Variants in SASH1 observed in about 807,000 individuals in gnomAD.
SASH1 encodes SAM and SH3 domain containing 1.
A neutral mutation model predicts 125.2 loss-of-function variants in SASH1; 44 were observed. That is an observed-to-expected ratio of 0.35 (90% confidence interval 0.28 to 0.45). The LOEUF (loss-of-function observed/expected upper bound fraction) is 0.45, where lower values mean the gene tolerates loss of function less well. Among genes scored for constraint, SASH1 ranks in the 20% least tolerant of loss-of-function variants. SASH1 has a pLI of 1.00. For synonymous variants in SASH1, 639 were observed against 649.1 expected (o/e 0.98, Z 0.24); for missense variants, 1,426 against 1,614.5 (o/e 0.88, Z 2.00).
chr6:148,233,061 C>G, the SASH1 span, among the ~76,000 whole-genome samples: 15 of 151,872 alleles, frequency 9.9e-5, no homozygotes, highest in African/African-American at 3.6e-4. Context: ...ACTAAAAATA[C>G]ACAATTAGCC....
At chr6:148,394,332 G>A (rs1046901244) in intron 2 of SASH1, among the ~76,000 whole-genome samples, 4 of 152,168 alleles carry the variant, frequency 2.6e-5, no homozygotes, top group African/African-American at 9.7e-5. Context: ...CATGTTAGAT[G>A]TGTTTTGAGG....
intron 4 of SASH1, among the ~76,000 whole-genome samples, chr6:148,462,553 G>A (rs896011131): frequency 6.6e-6 from 1 of 152,110 alleles, no homozygotes; most frequent in Non-Finnish European, 1.5e-5. Flanking sequence ...GCAGATAGGG[G>A]GGTCTTGCAA....
Position 148,343,130 on chromosome 6 carries a change from C to G in SASH1, c.63C>G (p.Pro21=), listed in dbSNP as rs1396159874. The change falls in exon 1 of 20, where the codon CCC becomes CCG. Residue 21 remains proline (P), a synonymous_variant. Transcript: ENST00000367467. ...PEPEPEPEPE[P]EPAPEPEPEP... ...CTGAGCCCGAGCCCGAGCCGGAGCC[C>G]GAGCCCGCGCCGGAGCCGGAACCGG... 1.4e-6 allele frequency: 2 copies of G among 1,469,716 alleles called. No homozygotes were observed. Among genetic ancestry groups the G allele is most frequent in the Admixed American group, 1.7e-5 (1 of 58,894 alleles). 91.0% of individuals were successfully genotyped at this position (1,469,716 alleles called of 1,614,324 possible).
At chr6:148,470,903 C>T (rs1355085755) in intron 5 of SASH1, among the ~76,000 whole-genome samples, 1 of 152,154 alleles carries the variant, frequency 6.6e-6, no homozygotes, top group East Asian at 1.9e-4. Context: ...GGGACCAACT[C>T]CCCTGACCTG....
chr6:148,473,524 G>C (rs967033514), intron 6 of SASH1, among the ~76,000 whole-genome samples: 2 of 152,210 alleles, frequency 1.3e-5, no homozygotes, highest in African/African-American at 4.8e-5. Context: ...AAAGTGCTGG[G>C]ATTACAGGCA....
At chr6:148,344,467 A>G (rs1049223789) in intron 1 of SASH1, among the ~76,000 whole-genome samples, 1 of 152,132 alleles carries the variant, frequency 6.6e-6, no homozygotes, top group African/African-American at 2.4e-5. Context: ...TCAGGTGACC[A>G]TTGGTATTTA....
At chr6:148,517,730 G>A (rs926192278) in intron 9 of SASH1, among the ~76,000 whole-genome samples, 3 of 152,186 alleles carry the variant, frequency 2.0e-5, no homozygotes, top group East Asian at 1.9e-4. Flanking sequence ...ATGGACATGC[G>A]TGCACCAGCT....
At chr6:148,306,280 T>G (rs1012373267) in intron 1 of SASH1, among the ~76,000 whole-genome samples, 2 of 152,202 alleles carry the variant, frequency 1.3e-5, no homozygotes, top group African/African-American at 4.8e-5. Context: ...AACCAGGAAG[T>G]CAGGATGCCA....
At chr6:148,420,188 T>C (rs1784997956) in intron 2 of SASH1, among the ~76,000 whole-genome samples, 1 of 152,202 alleles carries the variant, frequency 6.6e-6, no homozygotes, top group South Asian at 2.1e-4. Context: ...CCAGTTGTGG[T>C]ATAGAATCTT....
At chr6:148,268,885 C>A (rs1419759239), upstream of SASH1, among the ~76,000 whole-genome samples, 3 of 152,190 alleles carry the variant, frequency 2.0e-5, no homozygotes, top group Non-Finnish European at 2.9e-5. Context: ...ATCGGTTACT[C>A]AGTTCTAAAC....
chr6:148,519,498 C>A lies in SASH1; in HGVS notation c.863-49C>A. 7.2e-7 allele frequency: 1 copy of A among 1,390,524 alleles called. No homozygotes were observed. Among genetic ancestry groups the A allele is most frequent in the Non-Finnish European group, 1.0e-6 (1 of 992,406 alleles). The allele number at this position is 1,390,524 out of a possible 1,614,324, so 86.1% of individuals were successfully genotyped here. On this transcript the variant is annotated intron_variant, in intron 9 of 19. Coordinates refer to ENST00000367467, the MANE Select transcript of SASH1 (RefSeq NM_015278.5). The surrounding 1 kb of genome is among the most constrained non-coding windows in gnomAD (Gnocchi z 4.8). Reference sequence around the variant, plus strand: ...TGGTGAATGTAAAGAAAGATGTATGCAAGAATGCAAAGGTGTGTTCACAAG... The same window carrying A: ...TGGTGAATGTAAAGAAAGATGTATGAAAGAATGCAAAGGTGTGTTCACAAG...
At chr6:148,203,523 A>C in the SASH1 span, among the ~76,000 whole-genome samples, 1 of 152,200 alleles carries the variant, frequency 6.6e-6, no homozygotes, top group African/African-American at 2.4e-5. Flanking sequence ...ATACAGACTG[A>C]GTCATTTTCT....
chr6:148,534,262 C>G (rs180827294), intron 15 of SASH1, among the ~76,000 whole-genome samples: 48 of 152,328 alleles, frequency 3.2e-4, no homozygotes, highest in Non-Finnish European at 5.7e-4. Context: ...GCACCTTGAT[C>G]GCAGCTAGCT....
chr6:148,507,734 A>G (rs1032127390), intron 8 of SASH1, among the ~76,000 whole-genome samples: 1 of 152,290 alleles, frequency 6.6e-6, no homozygotes, highest in South Asian at 2.1e-4. Flanking sequence ...AGTGGTTCCT[A>G]CGCATCCCTG....
the SASH1 span, among the ~76,000 whole-genome samples, chr6:148,252,355 T>A: frequency 2.5e-4 from 38 of 152,308 alleles, no homozygotes; most frequent in South Asian, 1.5e-3. Flanking sequence ...CTTCCCTGTT[T>A]GCCATTTTTT....
At chr6:148,365,882 G>A (rs1458665157) in intron 1 of SASH1, among the ~76,000 whole-genome samples, 5 of 152,072 alleles carry the variant, frequency 3.3e-5, no homozygotes, top group Admixed American at 2.0e-4. Flanking sequence ...GGAGGCCAAG[G>A]CAGGCAGATC....
At chr6:148,335,281 G>C (rs1214920638) in intron 1 of SASH1, among the ~76,000 whole-genome samples, 1 of 150,338 alleles carries the variant, frequency 6.7e-6, no homozygotes, top group African/African-American at 2.4e-5. Flanking sequence ...TTGGGCAACA[G>C]AGCCAGACTC....
chr6:148,222,740 T>G, the SASH1 span, among the ~76,000 whole-genome samples: 1 of 151,784 alleles, frequency 6.6e-6, no homozygotes, highest in South Asian at 2.1e-4. Context: ...TTGCAAAGGG[T>G]TTTGTGTTTT....
the SASH1 span, among the ~76,000 whole-genome samples, chr6:148,264,070 T>A: frequency 6.6e-6 from 1 of 150,524 alleles, no homozygotes; most frequent in African/African-American, 2.5e-5. Flanking sequence ...GGAGGTTACA[T>A]AGGGCTGGAT....
Sources: gnomAD v4.1 joint callset for allele counts (sites outside exome capture counted in the v4.1 genomes callset) on GRCh38, gnomAD v4.1.1 for gene constraint, Gnocchi (gnomAD v3.1) non-coding constraint, MANE v1.5 for transcripts, NCBI Gene and HGNC (gene_info 2026-07-23, HGNC 2026-07-21) for gene names.